MITF: variants seen among roughly 807,000 people sequenced by gnomAD.
MITF encodes melanocyte inducing transcription factor.
MITF carries 17 observed loss-of-function variants against 60.5 expected under a neutral mutation model. That is an observed-to-expected ratio of 0.28 (90% CI 0.19 to 0.42). MITF has a LOEUF of 0.42. Ranked by LOEUF, MITF falls within the 10% of genes least tolerant of loss-of-function variation. The probability of loss-of-function intolerance (pLI) is 1.00; values close to 1 mark genes in which losing one functional copy is unlikely to be tolerated. For missense variants in MITF, 622 were observed against 683.5 expected (o/e 0.91, Z 1.00); for synonymous variants, 260 against 248.5 (o/e 1.05, Z -0.43).
At chr3:69,891,785 A>G (rs2064765152) in intron 2 of MITF, among the ~76,000 whole-genome samples, 1 of 152,232 alleles carries the variant, frequency 6.6e-6, no homozygotes, top group South Asian at 2.1e-4. Flanking sequence ...GGGAGGAGTA[A>G]GACAGGCAAA....
intron 8 of MITF, among the ~76,000 whole-genome samples, chr3:69,958,452 A>G (rs1393448654): frequency 2.0e-5 from 3 of 152,148 alleles, no homozygotes; most frequent in Non-Finnish European, 4.4e-5. Context: ...TGTAACCCAG[A>G]TGAGGATCAA....
chr3:69,948,958 TTAAA>T (rs755081754), intron 5 of MITF, 89 bp from the exon 6 acceptor site: 12 of 915,994 alleles, frequency 1.3e-5, no homozygotes, highest in Non-Finnish European at 1.8e-5. Context: ...ATAATTTTTC[TTAAA>T]TAAATCCTAG....
intron 1 of MITF, among the ~76,000 whole-genome samples, chr3:69,827,429 C>T (rs972326250): frequency 1.3e-5 from 2 of 152,190 alleles, no homozygotes; most frequent in African/African-American, 4.8e-5. Context: ...GCTTAATGAG[C>T]ACTATCCATT....
intron 2 of MITF, among the ~76,000 whole-genome samples, chr3:69,881,220 A>G (rs775303873): frequency 3.3e-5 from 5 of 152,108 alleles, no homozygotes; most frequent in Non-Finnish European, 7.4e-5. Flanking sequence ...TTAAAGCACA[A>G]ATAAATTGTT....
chr3:69,889,025 GTTTTT>G (rs4057977), intron 2 of MITF, among the ~76,000 whole-genome samples: 9 of 58,814 alleles, frequency 1.5e-4, no homozygotes, highest in Non-Finnish European at 2.6e-4. Flanking sequence ...ATAGCCTTTG[GTTTTT>G]TTTTTTTTTT....
chr3:69,922,790 G>A (rs2065497332), intron 2 of MITF, among the ~76,000 whole-genome samples: 1 of 152,130 alleles, frequency 6.6e-6, no homozygotes, highest in South Asian at 2.1e-4. Flanking sequence ...CTGGAAGATT[G>A]TTTGTTTGCT....
intron 1 of MITF, among the ~76,000 whole-genome samples, chr3:69,757,316 C>A (rs542001484): frequency 6.6e-6 from 1 of 152,274 alleles, no homozygotes; most frequent in Admixed American, 6.5e-5. Context: ...AGTATTCTTA[C>A]TAACCAAAAC....
At chr3:69,949,482 G>C (rs1466181343) in intron 6 of MITF, among the ~76,000 whole-genome samples, 1 of 152,016 alleles carries the variant, frequency 6.6e-6, no homozygotes, top group East Asian at 1.9e-4. Context: ...AACTCTTTCA[G>C]CTGTAACTGT....
chr3:69,886,535 A>G (rs980295621), intron 2 of MITF, among the ~76,000 whole-genome samples: 7 of 152,080 alleles, frequency 4.6e-5, no homozygotes, highest in African/African-American at 1.2e-4. Flanking sequence ...TGCTCTAAAC[A>G]TTTCTAAAGA....
chr3:69,949,234 T>C (rs2066179479), intron 6 of MITF, 66 bp downstream of exon 6: 5 of 1,250,982 alleles, frequency 4.0e-6, no homozygotes, highest in Non-Finnish European at 5.9e-6. Flanking sequence ...GACAAAGTTA[T>C]TGATATAGTG....
chr3:69,815,669 G>C (rs534596246), intron 1 of MITF, among the ~76,000 whole-genome samples: 32 of 152,298 alleles, frequency 2.1e-4, no homozygotes, highest in African/African-American at 7.5e-4. Flanking sequence ...AAGTTTTGGA[G>C]AGAGTCAAAA....
chr3:69,781,846 T>C (rs2062570186), intron 1 of MITF, among the ~76,000 whole-genome samples: 1 of 152,212 alleles, frequency 6.6e-6, no homozygotes, highest in African/African-American at 2.4e-5. Context: ...AGGAACAGCA[T>C]ATCTCTTGTC....
At chr3:69,794,390 G>A (rs2062793873) in intron 1 of MITF, among the ~76,000 whole-genome samples, 1 of 152,152 alleles carries the variant, frequency 6.6e-6, no homozygotes, top group Non-Finnish European at 1.5e-5. Context: ...TTTACAGAAA[G>A]TCAGATGGCT....
intron 1 of MITF, among the ~76,000 whole-genome samples, chr3:69,806,061 G>A (rs1337763595): frequency 6.6e-6 from 1 of 151,656 alleles, no homozygotes; most frequent in Non-Finnish European, 1.5e-5. Flanking sequence ...CGGATTTGGG[G>A]TCCACGGTAT....
chr3:69,791,388 C>CA (rs2062737773), intron 1 of MITF, among the ~76,000 whole-genome samples: 1 of 152,146 alleles, frequency 6.6e-6, no homozygotes, highest in Non-Finnish European at 1.5e-5. Flanking sequence ...AGTGTCATAA[C>CA]AGAGAAAAGA....
At chr3:69,740,282 T>A (rs1456552793) in intron 1 of MITF, among the ~76,000 whole-genome samples, 1 of 151,826 alleles carries the variant, frequency 6.6e-6, no homozygotes, top group African/African-American at 2.4e-5. Context: ...TCCAGACCGC[T>A]GCTAGCGGGC....
intron 1 of MITF, among the ~76,000 whole-genome samples, chr3:69,812,219 A>C (rs2063112106): frequency 1.3e-5 from 2 of 152,318 alleles, no homozygotes; most frequent in South Asian, 4.1e-4. Flanking sequence ...AAAATAGCTC[A>C]ATGACCTTCC....
At chr3:69,911,982 G>T (rs958462069) in intron 2 of MITF, among the ~76,000 whole-genome samples, 1 of 152,200 alleles carries the variant, frequency 6.6e-6, no homozygotes, top group Non-Finnish European at 1.5e-5. Context: ...CATTATCTGT[G>T]ATTGCAACAA....
chr3:69,928,990 G>A (rs777380399), intron 2 of MITF, among the ~76,000 whole-genome samples: 1 of 152,184 alleles, frequency 6.6e-6, no homozygotes, highest in Non-Finnish European at 1.5e-5. Flanking sequence ...GCTTTATCAT[G>A]TGAAGTAGGG....
Sources: gnomAD v4.1 joint callset for allele counts (sites outside exome capture counted in the v4.1 genomes callset) on GRCh38, gnomAD v4.1.1 for gene constraint, MANE v1.5 for transcripts, NCBI Gene and HGNC (gene_info 2026-07-23, HGNC 2026-07-21) for gene names.